The following SLC2A5 variants were observed in gnomAD, a reference collection of about 807,000 sequenced individuals.
The protein encoded by SLC2A5 is solute carrier family 2, facilitated glucose transporter member 5.
A neutral mutation model predicts 50.3 loss-of-function variants in SLC2A5; 56 were observed. The ratio of observed to expected loss-of-function variants is 1.11; its 90% CI spans 0.90 to 1.39. The LOEUF is 1.39. SLC2A5 is among the 40% of genes most tolerant of loss of function. SLC2A5 has a pLI of 0.00. For synonymous variants in SLC2A5, 269 were observed against 281.9 expected, an observed-to-expected ratio of 0.95 and a Z score of 0.46; for missense variants, 566 against 650.1, an observed-to-expected ratio of 0.87 and a Z score of 1.41.
chr1:9,059,453 C>A (rs897374834), intron 1 of SLC2A5, among the ~76,000 whole-genome samples: 1 of 151,468 alleles, frequency 6.6e-6, no homozygotes, highest in Non-Finnish European at 1.5e-5. Flanking sequence ...AGAGAGCCCC[C>A]TTTCACAGGT....
intron 2 of SLC2A5, among the ~76,000 whole-genome samples, chr1:9,078,813 A>T (rs1642320517): frequency 6.6e-6 from 1 of 152,154 alleles, no homozygotes; most frequent in Non-Finnish European, 1.5e-5. Context: ...TCTGGGCCTA[A>T]TAAATTTTGC....
chr1:9,077,797 G>T (rs1015724674), intron 2 of SLC2A5, among the ~76,000 whole-genome samples: 7 of 149,570 alleles, frequency 4.7e-5, no homozygotes, highest in Non-Finnish European at 1.0e-4. Context: ...GAAGAAGGAA[G>T]GAAGGAAGGA....
intron 1 of SLC2A5, among the ~76,000 whole-genome samples, chr1:9,066,977 C>G (rs1327290913): frequency 1.4e-5 from 2 of 138,524 alleles, no homozygotes; most frequent in Non-Finnish European, 3.1e-5. Flanking sequence ...GACCCTGTCT[C>G]AAAATTAAAA....
At chr1:9,050,735 G>A (rs1641549674) in intron 3 of SLC2A5, among the ~76,000 whole-genome samples, 1 of 151,992 alleles carries the variant, frequency 6.6e-6, no homozygotes, top group Admixed American at 6.6e-5. Flanking sequence ...AAAGACAGAA[G>A]GTTAGAAAAT....
At chr1:9,053,197 T>C (rs1641637942) in intron 3 of SLC2A5, among the ~76,000 whole-genome samples, 1 of 93,496 alleles carries the variant, frequency 1.1e-5, no homozygotes, top group Non-Finnish European at 1.9e-5. Context: ...ATTATATATT[T>C]ATATATTATA....
chr1:9,037,833 C>G, intron 11 of SLC2A5, 44 bp from the exon 12 acceptor site: 2 of 1,613,858 alleles, frequency 1.2e-6, no homozygotes, highest in Non-Finnish European at 1.7e-6. Context: ...CGTGGTTTGC[C>G]CAGGGGCTCG....
Position 9,041,143 on chromosome 1 carries a change from G to A in SLC2A5, c.571+642C>T, listed in dbSNP as rs114478199. ...TCCACTTGACTGACTTGCAGACGGT[G>A]TGTAGAACCCTGGCGGGAACTGGCT... On this transcript the variant is annotated intron_variant, in intron 5 of 11. Coordinates refer to ENST00000377424, the MANE Select transcript of SLC2A5 (RefSeq NM_003039.3). The A allele has an allele frequency of 7.2e-4, 264 of 367,576 alleles. 1 individual carries two copies. The highest frequency in any genetic ancestry group is 4.9e-3 in the African/African-American group (238 of 48,206). The allele number at this position is 367,576 out of a possible 1,614,324, so 22.8% of individuals were successfully genotyped here.
intron 2 of SLC2A5, among the ~76,000 whole-genome samples, chr1:9,081,430 C>T (rs75770801): frequency 0.035 from 4,743 of 135,064 alleles, 293 homozygotes; most frequent in East Asian, 0.28. Flanking sequence ...ATCAGGAGTT[C>T]AAGTCCAGCC....
At chr1:9,070,976 C>G (rs1316662044), upstream of SLC2A5, among the ~76,000 whole-genome samples, 2 of 152,142 alleles carry the variant, frequency 1.3e-5, no homozygotes, top group Non-Finnish European at 2.9e-5. Context: ...TAACGCATAG[C>G]AAGACCAGAG....
At chr1:9,086,836 C>A (rs1383638937) in intron 1 of SLC2A5, among the ~76,000 whole-genome samples, 2 of 152,142 alleles carry the variant, frequency 1.3e-5, no homozygotes, top group East Asian at 1.9e-4. Flanking sequence ...GAGCAAACAC[C>A]ACCATCCTAA....
chr1:9,073,758 T>C (rs1436351711), upstream of SLC2A5, among the ~76,000 whole-genome samples: 6 of 152,224 alleles, frequency 3.9e-5, no homozygotes, highest in African/African-American at 1.4e-4. Context: ...CATGCTTCTG[T>C]ACTGTGAGTT....
chr1:9,077,023 G>T (rs1030894923), intron 2 of SLC2A5, among the ~76,000 whole-genome samples: 1 of 151,222 alleles, frequency 6.6e-6, no homozygotes, highest in African/African-American at 2.4e-5. Flanking sequence ...TCCTGACCTC[G>T]TGATCCGCTC....
intron 2 of SLC2A5, among the ~76,000 whole-genome samples, chr1:9,083,278 A>T (rs1054142599): frequency 7.2e-5 from 11 of 152,198 alleles, no homozygotes. Context: ...GAAAGTGCAC[A>T]TTTTTCTCCA....
At position 9,057,540 on chromosome 1, in the gene SLC2A5, C is replaced by A; in HGVS notation, c.201G>T (p.Leu67Phe). 6.2e-7 allele frequency: 1 copy of A among 1,613,828 alleles called. No individual in the cohort carries two copies. ...ACACGGTTACAGACCACAGCAACGT[C>A]AAGGGGAAGTCTTCCATGAATTCAC... ...RTGEFMEDFP[L>F]TLLWSVTVSM... Residue 67 changes from leucine (L) to phenylalanine (F), a missense_variant, in exon 3 of 12, where the codon TTG (leucine) becomes TTT (phenylalanine). Leu to Phe is a conservative substitution (Grantham distance 22). Transcript: ENST00000377424.
At chr1:9,038,768 G>A in intron 9 of SLC2A5, 60 bp downstream of exon 9, 2 of 1,507,332 alleles carry the variant, frequency 1.3e-6, no homozygotes, top group Non-Finnish European at 1.8e-6. Flanking sequence ...GCGCAGGATG[G>A]GAGGGGCACT....
chr1:9,048,853 C>T (rs1641501523), intron 3 of SLC2A5, among the ~76,000 whole-genome samples: 1 of 152,024 alleles, frequency 6.6e-6, no homozygotes, highest in Admixed American at 6.6e-5. Flanking sequence ...GATGGAGTTT[C>T]CCCATGTTGG....
At position 9,038,014 on chromosome 1, in the gene SLC2A5, G is replaced by C; in HGVS notation, c.1185C>G (p.Pro395=). The C allele has an allele frequency of 1.3e-5, 21 of 1,613,806 alleles. No homozygotes were observed. The highest frequency in any genetic ancestry group is 1.8e-5 in the Non-Finnish European group (21 of 1,179,984). Residue 395 remains proline (P), a synonymous_variant, in exon 11 of 12, where the codon CCC becomes CCG. Transcript: ENST00000377424. ...IGHALGPSPI[P]ALLITEIFLQ... is the part of the protein sequence containing the mutation. Reference sequence around the variant, plus strand: ...GGAAGATCTCAGTGATGAGCAGCGCGGGTATGGGACCTGTAGGGGGAGGAG... The same window carrying C: ...GGAAGATCTCAGTGATGAGCAGCGCCGGTATGGGACCTGTAGGGGGAGGAG...
At position 9,039,971 on chromosome 1, in the gene SLC2A5, G is replaced by A. The variant is rs766297608; in HGVS notation, c.714C>T (p.Arg238=). The A allele has an allele frequency of 1.7e-5, 27 of 1,611,496 alleles. No homozygotes were observed. In the South Asian group the frequency reaches 3.0e-4, roughly 18 times the overall value. The part of the protein sequence containing the change: ...AAAKKALQTL[R]GWDSVDREVA... ...CCTCCCTGTCCACAGAGTCCCAGCC[G>A]CGCAGCGTCTGTAGGGCTGGGGAGA... Residue 238 remains arginine, a synonymous_variant, in exon 7 of 12, where the codon CGC becomes CGT. Transcript: ENST00000377424.
chr1:9,076,296 A>G (rs1557684375), intron 2 of SLC2A5, among the ~76,000 whole-genome samples: 2 of 152,126 alleles, frequency 1.3e-5, no homozygotes, highest in Admixed American at 6.6e-5. Context: ...TAGGAGTGAA[A>G]GGCCCAAAGA....
Sources: allele counts gnomAD v4.1 joint callset (sites outside exome capture counted in the v4.1 genomes callset), GRCh38; gene constraint gnomAD v4.1.1; transcripts MANE v1.5; gene names NCBI Gene and HGNC (gene_info 2026-07-23, HGNC 2026-07-21).